Variants in NRG3 observed in about 807,000 individuals in gnomAD.
The protein encoded by NRG3 is pro-neuregulin-3, membrane-bound isoform.
Under a neutral mutation model 66.9 loss-of-function variants are expected in NRG3, and 31 were observed. The observed-to-expected ratio is 0.46, with a 90% CI of 0.35 to 0.63. NRG3 has a LOEUF of 0.63. Ranked by LOEUF, NRG3 falls within the 20% of genes least tolerant of loss-of-function variation. The probability of loss-of-function intolerance (pLI) is 0.00; values close to 1 mark genes in which losing one functional copy is unlikely to be tolerated. For missense variants in NRG3, 910 were observed against 878.9 expected (o/e 1.04, Z -0.45); for synonymous variants, 393 against 359.4 (o/e 1.09, Z -1.06).
chr10:82,540,303 A>T (rs1470474032), intron 2 of NRG3, among the ~76,000 whole-genome samples: 1 of 150,182 alleles, frequency 6.7e-6, no homozygotes, highest in East Asian at 1.9e-4. Context: ...TCTGCCTTCC[A>T]GTGTTGTGCT....
At position 82,347,525 on chromosome 10, in the gene NRG3, G is replaced by GA. The variant is rs961979589; in HGVS notation, c.824-11207dup. ...TTTGGAATAGGTGTGGTGTGGTGCTGAAAAAAATGTATATTCTGTTGATTT... is the reference window on the plus strand; with the variant it reads ...TTTGGAATAGGTGTGGTGTGGTGCTGAAAAAAAATGTATATTCTGTTGATTT... On this transcript the variant is annotated intron_variant, in intron 1 of 8. Coordinates refer to ENST00000372141, the MANE Select transcript of NRG3 (RefSeq NM_001010848.4). Among the ~76,000 whole-genome samples, 436 of 150,820 alleles carry GA rather than the reference G, an allele frequency of 2.9e-3. 3 individuals are homozygous for GA. Among genetic ancestry groups the GA allele is most frequent in the African/African-American group, 6.8e-3 (280 of 41,130 alleles).
intron 6 of NRG3, 137 bp downstream of exon 6, chr10:82,959,212 C>T (rs1850370576): frequency 1.0e-6 from 1 of 962,058 alleles, no homozygotes; most frequent in African/African-American, 1.7e-5. Flanking sequence ...TTTAACAGTT[C>T]TGGGCTGGGA....
chr10:82,246,767 G>GTT (rs34690697), intron 1 of NRG3, among the ~76,000 whole-genome samples: 2 of 151,480 alleles, frequency 1.3e-5, no homozygotes, highest in African/African-American at 2.4e-5. Flanking sequence ...TTTAGAAGGA[G>GTT]TTTTTTTTTC....
intron 1 of NRG3, among the ~76,000 whole-genome samples, chr10:82,187,748 G>C: frequency 6.6e-6 from 1 of 151,886 alleles, no homozygotes; most frequent in East Asian, 1.9e-4. Context: ...TTTTAATTTT[G>C]GTATATATTG....
At chr10:82,418,458 G>GTTTATGCAAATT (rs58367470) in intron 2 of NRG3, among the ~76,000 whole-genome samples, 2 of 152,186 alleles carry the variant, frequency 1.3e-5, no homozygotes, top group Non-Finnish European at 1.5e-5. Flanking sequence ...TTATGCAAAT[G>GTTTATGCAAATT]AAAAGAGGAG....
intron 1 of NRG3, among the ~76,000 whole-genome samples, chr10:82,054,107 T>G (rs2063724622): frequency 6.6e-6 from 1 of 152,220 alleles, no homozygotes; most frequent in African/African-American, 2.4e-5. Context: ...TGGCTCTTAC[T>G]CTGAGGTACA....
intron 2 of NRG3, among the ~76,000 whole-genome samples, chr10:82,530,987 A>G (rs992470613): frequency 7.2e-5 from 11 of 151,856 alleles, no homozygotes; most frequent in African/African-American, 2.7e-4. Flanking sequence ...AAGGTACTGT[A>G]AATTGAAGTA....
chr10:82,265,672 C>G lies in NRG3; in HGVS notation c.824-93067C>G, dbSNP rs148828331. On this transcript the variant is annotated intron_variant, in intron 1 of 8. Transcript: ENST00000372141. ...TGAGAAACCATTTTCATGGTTGGAC[C>G]ATCTACATGCTTACTGACATCACCA... 1.2e-3 allele frequency among the ~76,000 whole-genome samples: 188 copies of G among 152,222 alleles called. 1 individual carries two copies. The highest frequency in any genetic ancestry group is 4.4e-3 in the African/African-American group (182 of 41,524).
chr10:82,189,655 C>T (rs915890202), intron 1 of NRG3, among the ~76,000 whole-genome samples: 24 of 152,064 alleles, frequency 1.6e-4, no homozygotes, highest in African/African-American at 5.1e-4. Context: ...CCAGGTGTGG[C>T]GGCATGCTCT....
Position 82,564,782 on chromosome 10 carries a change from T to C in NRG3, c.954-173795T>C, listed in dbSNP as rs375521240. Among the ~76,000 whole-genome samples the C allele has an allele frequency of 2.0e-5, 3 of 152,122 alleles. No individual in the cohort carries two copies. The East Asian group carries it at 5.8e-4, about 29-fold the overall frequency. ...AAAAGAAAAAAAAATATGGCAATTA[T>C]TTCTTTGTCGTGAGATGACATTCTC... is the stretch of plus-strand genomic sequence containing the variant. On this transcript the variant is annotated intron_variant, in intron 2 of 8. Transcript: ENST00000372141.
At chr10:82,413,038 A>G (rs1037573637) in intron 2 of NRG3, among the ~76,000 whole-genome samples, 10 of 152,138 alleles carry the variant, frequency 6.6e-5, no homozygotes, top group Admixed American at 2.0e-4. Context: ...AGTTGGAATC[A>G]ACTTCTTTCC....
At chr10:82,059,980 GA>G (rs2064056483) in intron 1 of NRG3, among the ~76,000 whole-genome samples, 2 of 152,124 alleles carry the variant, frequency 1.3e-5, no homozygotes, top group Non-Finnish European at 2.9e-5. Flanking sequence ...CACGGCCCTG[GA>G]CCCCAAGGAA....
At chr10:81,890,217 T>C (rs1842910019) in intron 1 of NRG3, among the ~76,000 whole-genome samples, 1 of 152,172 alleles carries the variant, frequency 6.6e-6, no homozygotes, top group African/African-American at 2.4e-5. Context: ...AACATTACTT[T>C]CTAGAATGGC....
At chr10:82,184,414 G>T (rs960340576) in intron 1 of NRG3, among the ~76,000 whole-genome samples, 1 of 152,070 alleles carries the variant, frequency 6.6e-6, no homozygotes, top group Admixed American at 6.6e-5. Flanking sequence ...CATTTAAAAG[G>T]GAAATTCAGG....
intron 1 of NRG3, among the ~76,000 whole-genome samples, chr10:82,185,311 A>C (rs1391417744): frequency 1.3e-5 from 2 of 152,164 alleles, no homozygotes; most frequent in Non-Finnish European, 2.9e-5. Context: ...TTGTTGTTTT[A>C]AGTAACACTG....
chr10:82,573,999 G>A (rs2045892843), intron 2 of NRG3, among the ~76,000 whole-genome samples: 1 of 151,620 alleles, frequency 6.6e-6, no homozygotes, highest in Non-Finnish European at 1.5e-5. Context: ...TTAAAAAATG[G>A]AACTACAATA....
intron 4 of NRG3, among the ~76,000 whole-genome samples, chr10:82,902,911 A>C (rs538270572): frequency 1.6e-3 from 243 of 152,154 alleles, no homozygotes; most frequent in Non-Finnish European, 3.1e-3. Context: ...TTTTTTGGAG[A>C]TCTATGAGTC....
At chr10:82,896,083 A>C (rs2131838365) in intron 4 of NRG3, among the ~76,000 whole-genome samples, 1 of 152,308 alleles carries the variant, frequency 6.6e-6, no homozygotes, top group Non-Finnish European at 1.5e-5. Context: ...GTGGTGTTTA[A>C]GAAATGGAGA....
chr10:82,868,480 G>A lies in NRG3; in HGVS notation c.1054+3043G>A, dbSNP rs542099288. Among the ~76,000 whole-genome samples the A allele has an allele frequency of 3.1e-4, 47 of 152,244 alleles. No homozygotes were observed. In the South Asian group the frequency reaches 9.6e-3, roughly 31 times the overall value. ...ACGGTAGAAATTTTCTTGGAGGGAA[G>A]GGGTTGGGGAACAACTCAGAGTTCA... On this transcript the variant is annotated intron_variant, in intron 4 of 8. Coordinates refer to ENST00000372141, the MANE Select transcript of NRG3 (RefSeq NM_001010848.4).
Sources: gnomAD v4.1 joint callset for allele counts (sites outside exome capture counted in the v4.1 genomes callset) on GRCh38, gnomAD v4.1.1 for gene constraint, MANE v1.5 for transcripts, NCBI Gene and HGNC (gene_info 2026-07-23, HGNC 2026-07-21) for gene names.